Variants in MSH3 observed in about 807,000 individuals in gnomAD.
MSH3 encodes the protein DNA mismatch repair protein Msh3.
A neutral mutation model predicts 123.3 loss-of-function variants in MSH3; 106 were observed. The ratio of observed to expected loss-of-function variants is 0.86; its 90% CI spans 0.73 to 1.01. The LOEUF (loss-of-function observed/expected upper bound fraction) is 1.01, where lower values mean the gene tolerates loss of function less well. Among genes scored for constraint, MSH3 ranks in the 50% least tolerant of loss-of-function variants. MSH3 has a pLI of 0.00. For missense variants in MSH3, 1,459 were observed against 1,347.6 expected (o/e 1.08, Z -1.29); for synonymous variants, 515 against 481.4 (o/e 1.07, Z -0.91).
intron 19 of MSH3, among the ~76,000 whole-genome samples, chr5:80,798,001 G>T (rs35629789): frequency 2.0e-5 from 3 of 152,204 alleles, no homozygotes; most frequent in Admixed American, 6.5e-5. Context: ...TAAAGTCGGG[G>T]TTTTCAGTTC....
chr5:80,656,994 GATTAT>G (rs1159833326), intron 2 of MSH3, among the ~76,000 whole-genome samples: 5 of 151,896 alleles, frequency 3.3e-5, no homozygotes, highest in Admixed American at 1.3e-4. Context: ...ATATTTTACA[GATTAT>G]ATTATATTCT....
rs778657958 is a variant in MSH3, at chr5:80,654,675, G to C, written c.-53G>C. 2.0e-6 allele frequency: 3 copies of C among 1,526,288 alleles called. No individual in the cohort carries two copies. The Admixed American group carries it at 5.6e-5, about 28-fold the overall frequency. 94.5% of individuals were successfully genotyped at this position (1,526,288 alleles called of 1,614,324 possible). A position where few individuals can be genotyped will look rare whatever the true frequency, so the allele number is the denominator to read the frequency against. On this transcript the variant is annotated 5_prime_UTR_variant, in exon 1 of 24. Transcript: ENST00000265081. ...GCAGACGCCTGGGAACTGCGGCCGCGGGCTCGCGCTCCTCGCCAGGCCCTG... is the reference window on the plus strand; with the variant it reads ...GCAGACGCCTGGGAACTGCGGCCGCCGGCTCGCGCTCCTCGCCAGGCCCTG...
intron 20 of MSH3, among the ~76,000 whole-genome samples, chr5:80,828,020 A>G (rs1432523710): frequency 6.6e-6 from 1 of 152,108 alleles, no homozygotes; most frequent in East Asian, 1.9e-4. Context: ...ATCCCCCACC[A>G]GAGTACTCCC....
intron 20 of MSH3, among the ~76,000 whole-genome samples, chr5:80,848,581 G>C (rs1745766029): frequency 6.6e-6 from 1 of 152,202 alleles, no homozygotes. Context: ...AGGCAAGGGA[G>C]AGCAAGTCAC....
At chr5:80,847,359 T>TA (rs5869056) in intron 20 of MSH3, among the ~76,000 whole-genome samples, 2 of 79,722 alleles carry the variant, frequency 2.5e-5, no homozygotes, top group Admixed American at 1.4e-4. Flanking sequence ...TGGCTGAATA[T>TA]TTTTTTTTTT....
In MSH3 at chr5:80,654,777, C is replaced by T. The variant is rs1749189749; in HGVS notation, c.50C>T (p.Ala17Val). The change falls in exon 1 of 24, where the codon GCC becomes GTC. Residue 17 changes from alanine (A) to valine (V), a missense_variant. Ala to Val is a moderately conservative substitution (Grantham distance 64). Transcript: ENST00000265081. ...GGCGGCCTCGCTGCCTCCAGCTCAG[C>T]CCCTGCGAGGCAAGCGGTTTTGAGC... ...ASGGLAASSS[A>V]PARQAVLSRF... 5 of 1,606,996 alleles carry T rather than the reference C, an allele frequency of 3.1e-6. No homozygotes were observed. Among genetic ancestry groups the T allele is most frequent in the Non-Finnish European group, 4.2e-6 (5 of 1,177,418 alleles).
intron 10 of MSH3, among the ~76,000 whole-genome samples, chr5:80,739,714 C>T (rs1743577580): frequency 6.6e-6 from 1 of 152,212 alleles, no homozygotes. Flanking sequence ...TCAAACCTGT[C>T]ACAGATACAT....
At chr5:80,732,813 A>G (rs1310252308) in intron 10 of MSH3, among the ~76,000 whole-genome samples, 8 of 152,330 alleles carry the variant, frequency 5.3e-5, no homozygotes, top group Non-Finnish European at 1.2e-4. Flanking sequence ...AACTCTGCAT[A>G]AGATTCAACA....
At chr5:80,695,293 G>A (rs1020472681) in intron 8 of MSH3, among the ~76,000 whole-genome samples, 2 of 151,424 alleles carry the variant, frequency 1.3e-5, no homozygotes, top group African/African-American at 4.9e-5. Flanking sequence ...GCTGTTGAGT[G>A]CATCCACTGT....
intron 8 of MSH3, among the ~76,000 whole-genome samples, chr5:80,712,303 A>G (rs559363439): frequency 1.3e-5 from 2 of 152,276 alleles, no homozygotes; most frequent in South Asian, 4.1e-4. Context: ...AATAAGTTGT[A>G]TATTTTAGTT....
intron 17 of MSH3, 66 bp downstream of exon 17, chr5:80,778,902 C>A (rs564192083): frequency 1.1e-6 from 1 of 937,870 alleles, no homozygotes; most frequent in South Asian, 1.3e-5. Flanking sequence ...AAAAATCTTT[C>A]CATCAAAAAG....
At chr5:80,752,724 T>C (rs553303258) in intron 12 of MSH3, among the ~76,000 whole-genome samples, 1 of 152,292 alleles carries the variant, frequency 6.6e-6, no homozygotes, top group African/African-American at 2.4e-5. Context: ...CCATGGTCTT[T>C]AGAATACCAA....
chr5:80,875,162 G>T (rs1486324008), intron 23 of MSH3, among the ~76,000 whole-genome samples: 2 of 152,124 alleles, frequency 1.3e-5, no homozygotes, highest in African/African-American at 4.8e-5. Context: ...CCTTATGGCA[G>T]CCTTATCCTC....
At chr5:80,829,250 A>G (rs917330270) in intron 20 of MSH3, among the ~76,000 whole-genome samples, 7 of 152,208 alleles carry the variant, frequency 4.6e-5, no homozygotes, top group Admixed American at 4.6e-4. Flanking sequence ...TATTGCATTA[A>G]CTAGTACTTC....
intron 19 of MSH3, among the ~76,000 whole-genome samples, chr5:80,797,566 A>G (rs1744718490): frequency 6.6e-6 from 1 of 152,242 alleles, no homozygotes; most frequent in African/African-American, 2.4e-5. Flanking sequence ...CCACGTCTTC[A>G]TACTTCTGAG....
chr5:80,719,590 A>G (rs1751038783), intron 8 of MSH3, among the ~76,000 whole-genome samples: 1 of 152,298 alleles, frequency 6.6e-6, no homozygotes, highest in Non-Finnish European at 1.5e-5. Flanking sequence ...GCTTTATCCC[A>G]CATTACTGAA....
intron 20 of MSH3, among the ~76,000 whole-genome samples, chr5:80,819,446 A>G (rs956248402): frequency 7.4e-4 from 101 of 136,798 alleles, no homozygotes; most frequent in African/African-American, 2.0e-3. Flanking sequence ...ATATATGTAT[A>G]TGTGTGTGTG....
chr5:80,875,631 T>C (rs1263695831), intron 23 of MSH3, 120 bp from the exon 24 acceptor site: 1 of 653,028 alleles, frequency 1.5e-6, no homozygotes, highest in East Asian at 2.7e-5. Context: ...CTGACACAGC[T>C]TCCTAACTAT....
Position 80,678,378 on chromosome 5 carries a change from G to A in MSH3, c.1174-549G>A, listed in dbSNP as rs572643728. ...GCATGATTATTCTACTGGATAGACT[G>A]TCTACTTGGGCTTCATTCAGAGTTT... is the stretch of plus-strand genomic sequence containing the variant. On this transcript the variant is annotated intron_variant, in intron 7 of 23. Transcript: ENST00000265081. 1.2e-4 allele frequency among the ~76,000 whole-genome samples: 18 copies of A among 152,300 alleles called. No homozygotes were observed. In the South Asian group the frequency reaches 3.5e-3, roughly 30 times the overall value.
Sources: allele counts gnomAD v4.1 joint callset (sites outside exome capture counted in the v4.1 genomes callset), GRCh38; gene constraint gnomAD v4.1.1; transcripts MANE v1.5; gene names NCBI Gene and HGNC (gene_info 2026-07-23, HGNC 2026-07-21).